COL6A3: variants seen among roughly 807,000 people sequenced by gnomAD.
COL6A3 encodes the protein collagen alpha-3(VI) chain.
A neutral mutation model predicts 274.1 loss-of-function variants in COL6A3; 137 were observed. That is an observed-to-expected ratio of 0.50 (90% CI 0.44 to 0.58). COL6A3 has a LOEUF of 0.58. Ranked by LOEUF, COL6A3 falls within the 20% of genes least tolerant of loss-of-function variation. The pLI, the probability that COL6A3 is intolerant of heterozygous loss-of-function variation, is 0.00. For missense variants in COL6A3, 3,950 were observed against 4,124.9 expected (o/e 0.96, Z 1.16); for synonymous variants, 1,650 against 1,650.6 (o/e 1.00, Z 0.01).
chr2:237,350,015 T>G (rs1206335914), intron 28 of COL6A3, 132 bp downstream of exon 28: 4 of 895,936 alleles, frequency 4.5e-6, no homozygotes, highest in Non-Finnish European at 7.4e-6. Flanking sequence ...TGAGCAAGTT[T>G]CAGTATTTCC....
intron 13 of COL6A3, 109 bp from the exon 14 acceptor site, chr2:237,363,507 T>G: frequency 7.3e-6 from 9 of 1,236,824 alleles, no homozygotes; most frequent in Non-Finnish European, 1.0e-5. Flanking sequence ...AATTTAGCTT[T>G]TAACTTAAAT....
rs1299407602 is a variant in COL6A3, at chr2:237,388,152, C to G, written c.742G>C (p.Asp248His). 2.5e-6 allele frequency: 4 copies of G among 1,614,006 alleles called. No individual in the cohort carries two copies. In the Admixed American group the frequency reaches 6.7e-5, roughly 27 times the overall value. The stretch of plus-strand genomic sequence containing the variant: ...ACACTTCCGGTGTTGTTTGATCCAT[C>G]AATAAGGAAAATAATGTCAGCAGAG... ...QDSADIIFLI[D>H]GSNNTGSVNF... Residue 248 changes from aspartate to histidine, a missense_variant, in exon 4 of 44, where the codon GAT (aspartate) becomes CAT (histidine). This residue lies in a region of COL6A3 where 1,934 missense variants were observed against 1,984.3 expected (regional missense o/e 0.97). Transcript: ENST00000295550.
chr2:237,350,834 G>A (rs1413058168), intron 27 of COL6A3, among the ~76,000 whole-genome samples: 1 of 152,212 alleles, frequency 6.6e-6, no homozygotes, highest in Admixed American at 6.5e-5. Context: ...TGCACTATTG[G>A]CACAAGCCAA....
intron 20 of COL6A3, 97 bp downstream of exon 20, chr2:237,358,938 A>C: frequency 7.3e-7 from 1 of 1,368,674 alleles, no homozygotes; most frequent in Middle Eastern, 1.8e-4. Flanking sequence ...TGCCTGGAGG[A>C]AGCGGGCTTG....
intron 1 of COL6A3, among the ~76,000 whole-genome samples, chr2:237,410,348 G>C (rs2078826980): frequency 6.7e-6 from 1 of 148,194 alleles, no homozygotes; most frequent in Non-Finnish European, 1.5e-5. Flanking sequence ...CTGTCGCCCA[G>C]GCGCTGAAGT....
In COL6A3 at chr2:237,344,664, TG is replaced by T; in HGVS notation, c.7353del (p.Asn2451LysfsTer4). 6.2e-7 allele frequency: 1 copy of T among 1,612,700 alleles called. No individual in the cohort carries two copies. Among genetic ancestry groups the T allele is most frequent in the East Asian group, 2.2e-5 (1 of 44,862 alleles). ...RGARVAVVTY[N>X]NEVTTEIRFA... ...AACCGGATCTCCGTGGTCACCTCGT[TG>T]TTGTAGGTGACCACAGCCACCCGGG... is the stretch of plus-strand genomic sequence containing the variant. On this transcript the variant is annotated frameshift_variant, in exon 36 of 44. Coordinates refer to ENST00000295550, the MANE Select transcript of COL6A3 (RefSeq NM_004369.4). LOFTEE classifies it high-confidence loss of function. This position sits in a 1 kb window ranked among gnomAD's most constrained non-coding sequence, Gnocchi z 4.8.
At position 237,364,762 on chromosome 2, in the gene COL6A3, G is replaced by T. The variant is rs539628386; in HGVS notation, c.5839-334C>A. Among the ~76,000 whole-genome samples, 1 of 151,790 alleles carries T rather than the reference G, an allele frequency of 6.6e-6. No individual in the cohort carries two copies. Among genetic ancestry groups the T allele is most frequent in the African/African-American group, 2.4e-5 (1 of 41,372 alleles). On this transcript the variant is annotated intron_variant, in intron 12 of 43. Transcript: ENST00000295550. The surrounding 1 kb of genome is among the most constrained non-coding windows in gnomAD (Gnocchi z 4.6). Reference sequence around the variant, plus strand: ...TGTGTGCGTGCATGTGTGTGCATGTGTGTGGGTACATATGTGTGTGTATGG... The same window carrying T: ...TGTGTGCGTGCATGTGTGTGCATGTTTGTGGGTACATATGTGTGTGTATGG...
At position 237,368,529 on chromosome 2, in the gene COL6A3, C is replaced by A. The variant is rs371330364; in HGVS notation, c.4900+34G>T. 61 of 1,609,320 alleles carry A rather than the reference C, an allele frequency of 3.8e-5. No homozygotes were observed. Among genetic ancestry groups the A allele is most frequent in the Admixed American group, 1.7e-5 (1 of 59,646 alleles). On this transcript the variant is annotated intron_variant, in intron 10 of 43. Coordinates refer to ENST00000295550, the MANE Select transcript of COL6A3 (RefSeq NM_004369.4). The surrounding 1 kb of genome is among the most constrained non-coding windows in gnomAD (Gnocchi z 4.4). The stretch of plus-strand genomic sequence containing the variant: ...TTAACTAAAAAAAAAATGTTGATGT[C>A]ACACTCTGTAGTCATGGGTCACACG...
Position 237,388,032 on chromosome 2 carries a change from C to T in COL6A3, c.862G>A (p.Asp288Asn), listed in dbSNP as rs115729513. Residue 288 changes from aspartate (D) to asparagine (N), a missense_variant, in exon 4 of 44, where the codon GAT becomes AAT. By Grantham distance (23) the Asp-to-Asn change is conservative. Coordinates refer to ENST00000295550, the MANE Select transcript of COL6A3 (RefSeq NM_004369.4). ...QIRVGVVQFS[D>N]EPRTMFSLDT... ...AAGGAGAACATGGTTCTGGGCTCAT[C>T]GCTAAACTGGACCACCCCCACTCGG... is the stretch of plus-strand genomic sequence containing the variant. 1.1e-4 allele frequency: 174 copies of T among 1,614,170 alleles called. No individual in the cohort carries two copies. The East Asian group carries it at 2.9e-3, about 27-fold the overall frequency.
chr2:237,386,383 T>C (rs1023582093), intron 4 of COL6A3: 3 of 152,208 alleles, frequency 2.0e-5, no homozygotes, highest in African/African-American at 7.2e-5. Flanking sequence ...CACTCCTTTA[T>C]CAAAGGAAAA....
intron 23 of COL6A3, chr2:237,357,027 A>C: frequency 2.2e-6 from 1 of 462,052 alleles, no homozygotes; most frequent in Non-Finnish European, 3.9e-6. Flanking sequence ...CAGTATTAGG[A>C]TTTCCATTTG....
intron 1 of COL6A3, among the ~76,000 whole-genome samples, chr2:237,404,043 T>A (rs535644023): frequency 1.4e-4 from 22 of 152,154 alleles, no homozygotes; most frequent in Non-Finnish European, 3.1e-4. Context: ...TTCAGAATAA[T>A]ATAAAAGTAC....
chr2:237,403,722 G>C (rs779529671), intron 1 of COL6A3, among the ~76,000 whole-genome samples: 3 of 151,974 alleles, frequency 2.0e-5, no homozygotes, highest in Non-Finnish European at 2.9e-5. Flanking sequence ...GTTTGATAAT[G>C]CTCCCAAGCT....
chr2:237,382,246 G>T (rs2078025597), intron 4 of COL6A3, among the ~76,000 whole-genome samples: 1 of 152,108 alleles, frequency 6.6e-6, no homozygotes, highest in Non-Finnish European at 1.5e-5. Context: ...AGCCGAGCGT[G>T]GGGGCAGACA....
chr2:237,398,151 T>C (rs1483979233), intron 1 of COL6A3, among the ~76,000 whole-genome samples: 1 of 152,242 alleles, frequency 6.6e-6, no homozygotes, highest in East Asian at 1.9e-4. Flanking sequence ...TCTCTATTAA[T>C]ATTTAGCACT....
Position 237,388,135 on chromosome 2 carries a change from G to A in COL6A3, c.759C>T (p.Thr253=), listed in dbSNP as rs376087730. The change falls in exon 4 of 44, where the codon ACC becomes ACT. Residue 253 remains threonine (T), a synonymous_variant. Transcript: ENST00000295550. The stretch of plus-strand genomic sequence containing the variant: ...GAATGACTGCGAAATTGACACTTCC[G>A]GTGTTGTTTGATCCATCAATAAGGA... The part of the protein sequence containing the change: ...IIFLIDGSNN[T]GSVNFAVILD... 270 of 1,613,982 alleles carry A rather than the reference G, an allele frequency of 1.7e-4. No individual in the cohort carries two copies. Among genetic ancestry groups the A allele is most frequent in the Non-Finnish European group, 2.0e-4 (236 of 1,180,022 alleles).
At chr2:237,327,020 T>G (rs1374038432) in intron 42 of COL6A3, 3 of 152,134 alleles carry the variant, frequency 2.0e-5, no homozygotes, top group Non-Finnish European at 4.4e-5. Context: ...AAGCCAGTGG[T>G]CCCCACGAGA....
chr2:237,336,125 G>T lies in COL6A3; in HGVS notation c.8965+10C>A. 6.2e-7 allele frequency: 1 copy of T among 1,613,306 alleles called. No individual in the cohort carries two copies. The highest frequency in any genetic ancestry group is 8.5e-7 in the Non-Finnish European group (1 of 1,179,986). ...TCACAAGATGGCAGCCCTAGCAAGG[G>T]CTTTCTTACCCATGGGCTTAGTGGT... On this transcript the variant is annotated intron_variant, in intron 40 of 43. Coordinates refer to ENST00000295550, the MANE Select transcript of COL6A3 (RefSeq NM_004369.4).
intron 8 of COL6A3, 57 bp from the exon 9 acceptor site, chr2:237,372,394 C>T (rs1262047801): frequency 6.3e-7 from 1 of 1,599,442 alleles, no homozygotes; most frequent in East Asian, 2.2e-5. Context: ...TCTTAGCGTT[C>T]ATGAGCCACC....
Sources: allele counts gnomAD v4.1 joint callset (sites outside exome capture counted in the v4.1 genomes callset), GRCh38; gene constraint gnomAD v4.1.1; regional missense constraint gnomAD v4.1.1; non-coding constraint Gnocchi (gnomAD v3.1); transcripts MANE v1.5; gene names NCBI Gene and HGNC (gene_info 2026-07-23, HGNC 2026-07-21).